The following KIR2DL1 variants were observed in gnomAD, a reference collection of about 807,000 sequenced individuals.
KIR2DL1 encodes the protein killer cell immunoglobulin-like receptor 2DL1.
Under a neutral mutation model 33.9 loss-of-function variants are expected in KIR2DL1, and 38 were observed. That is an observed-to-expected ratio of 1.12 (90% CI 0.86 to 1.47). The LOEUF is 1.47. Among genes scored for constraint, KIR2DL1 ranks in the 40% most tolerant of loss-of-function variants. The pLI is 0.00. For synonymous variants in KIR2DL1, 179 were observed against 165.9 expected (o/e 1.08, Z -0.61); for missense variants, 531 against 433.9 (o/e 1.22, Z -1.99).
rs749630775 is a variant in KIR2DL1, at chr19:54,770,931, G to A, written c.70+47G>A. 3.8e-6 allele frequency: 6 copies of A among 1,572,786 alleles called. 1 individual carries two copies. The highest frequency in any genetic ancestry group is 2.2e-5 in the South Asian group (2 of 90,048). On this transcript the variant is annotated intron_variant, in intron 2 of 7. Coordinates refer to ENST00000336077, the MANE Select transcript of KIR2DL1 (RefSeq NM_014218.3). ...CGGGTGTCATCTCCCCACATAAGAG[G>A]ATTTTCCTGAAATGGGAGGGAAGTC...
In KIR2DL1 at chr19:54,783,959, CTGAATGTG is replaced by C; in HGVS notation, c.*147_*154del. 4 of 1,226,022 alleles carry C rather than the reference CTGAATGTG, an allele frequency of 3.3e-6. No individual in the cohort carries two copies. The highest frequency in any genetic ancestry group is 4.8e-6 in the Non-Finnish European group (4 of 838,416). 75.9% of individuals were successfully genotyped at this position (1,226,022 alleles called of 1,614,324 possible). ...CATCGATCTTCCTCACACCACAAAT[CTGAATGTG>C]CCTCTCTCTTGCTTACAAATGTCTA... On this transcript the variant is annotated 3_prime_UTR_variant, in exon 8 of 8. Transcript: ENST00000336077.
intron 5 of KIR2DL1, among the ~76,000 whole-genome samples, chr19:54,782,012 G>A (rs990494923): frequency 1.6e-4 from 24 of 152,028 alleles, no homozygotes; most frequent in Admixed American, 2.0e-4. Context: ...TACATAGGCA[G>A]GTTCATTACT....
chr19:54,782,831 A>C, intron 5 of KIR2DL1, 91 bp from the exon 6 acceptor site: 1 of 1,421,530 alleles, frequency 7.0e-7, no homozygotes. Context: ...GAGGTGTTTT[A>C]TGTGGTTACC....
intron 5 of KIR2DL1, among the ~76,000 whole-genome samples, chr19:54,778,905 G>C (rs1375194091): frequency 2.0e-5 from 3 of 148,482 alleles, no homozygotes; most frequent in African/African-American, 4.9e-5. Context: ...TTGCCAATCT[G>C]ACATCCTTCT....
chr19:54,783,919 G>C lies in KIR2DL1; in HGVS notation c.*106G>C, dbSNP rs1321917314. ...CAGCAGCTGGAATCTGAAGGCGTGA[G>C]TCTGCATCTTAGGGCATCGATCTTC... On this transcript the variant is annotated 3_prime_UTR_variant, in exon 8 of 8. Transcript: ENST00000336077. 2 of 1,479,174 alleles carry C rather than the reference G, an allele frequency of 1.4e-6. No individual in the cohort carries two copies. The highest frequency in any genetic ancestry group is 2.8e-5 in the African/African-American group (2 of 72,000). 91.6% of individuals were successfully genotyped at this position (1,479,174 alleles called of 1,614,324 possible). A position where few individuals can be genotyped will look rare whatever the true frequency, so the allele number is the denominator to read the frequency against.
At chr19:54,776,445 A>T (rs1186445809) in intron 4 of KIR2DL1, among the ~76,000 whole-genome samples, 1 of 146,012 alleles carries the variant, frequency 6.8e-6, no homozygotes, top group Non-Finnish European at 1.5e-5. Flanking sequence ...AGTAGTCTCC[A>T]CTGTGCGTAT....
Position 54,783,390 on chromosome 19 carries a change from C to T in KIR2DL1, c.818-96C>T, listed in dbSNP as rs551635919. 3.6e-6 allele frequency: 5 copies of T among 1,406,704 alleles called. No individual in the cohort carries two copies. The South Asian group carries it at 4.8e-5, about 14-fold the overall frequency. 87.1% of individuals were successfully genotyped at this position (1,406,704 alleles called of 1,614,324 possible). A position where few individuals can be genotyped will look rare whatever the true frequency, so the allele number is the denominator to read the frequency against. On this transcript the variant is annotated intron_variant, in intron 6 of 7. Transcript: ENST00000336077. The stretch of plus-strand genomic sequence containing the variant: ...GCTGTTGGCAACTGAGGGACCTCAG[C>T]CACCTATGGTCTCCCCCTGTATGTT...
intron 4 of KIR2DL1, among the ~76,000 whole-genome samples, chr19:54,778,130 C>A (rs1045833633): frequency 1.4e-5 from 2 of 147,628 alleles, no homozygotes; most frequent in African/African-American, 5.0e-5. Flanking sequence ...GCATGGTGGT[C>A]AGCACCTGTA....
intron 6 of KIR2DL1, 89 bp from the exon 7 acceptor site, chr19:54,783,397 T>C (rs1227402184): frequency 1.4e-5 from 20 of 1,469,900 alleles, no homozygotes; most frequent in Non-Finnish European, 1.9e-5. Context: ...CAGCCACCTA[T>C]GGTCTCCCCC....
intron 4 of KIR2DL1, among the ~76,000 whole-genome samples, chr19:54,776,711 G>T (rs1180712555): frequency 6.9e-6 from 1 of 144,140 alleles, no homozygotes; most frequent in Non-Finnish European, 1.5e-5. Context: ...TGCAACCTTG[G>T]CTCATTGCAA....
chr19:54,773,628 C>G lies in KIR2DL1; in HGVS notation c.366C>G (p.Ile122Met), dbSNP rs1426276158. 5.7e-6 allele frequency: 9 copies of G among 1,571,872 alleles called. No homozygotes were observed. The highest frequency in any genetic ancestry group is 7.8e-6 in the Non-Finnish European group (9 of 1,147,514). ...CCAGTGACCCTCTGGACATCGTGAT[C>G]ATAGGTGAGAGTGTCCAGACTTTCT... ...SAPSDPLDIV[I>M]IGLYEKPSLS... Residue 122 changes from isoleucine to methionine, a missense_variant, in exon 3 of 8, where the codon ATC becomes ATG. Ile to Met is a conservative substitution (Grantham distance 10, BLOSUM62 1). Transcript: ENST00000336077.
Position 54,776,231 on chromosome 19 carries a change from AC to A in KIR2DL1, c.664+774del, listed in dbSNP as rs1429689506. 2.8e-5 allele frequency among the ~76,000 whole-genome samples: 4 copies of A among 142,854 alleles called. 1 individual carries two copies. Among genetic ancestry groups the A allele is most frequent in the Non-Finnish European group, 6.1e-5 (4 of 65,122 alleles). The allele number at this position is 142,854 out of a possible 152,430, so 93.7% of individuals were successfully genotyped here. A position where few individuals can be genotyped will look rare whatever the true frequency, so the allele number is the denominator to read the frequency against. ...AGTGTAAAGTCTAGTGGTCATAAAT[AC>A]ATTTTTATATATATATATATATACA... On this transcript the variant is annotated intron_variant, in intron 4 of 7. Coordinates refer to ENST00000336077, the MANE Select transcript of KIR2DL1 (RefSeq NM_014218.3).
chr19:54,770,086 G>C (rs1477490978), intron 1 of KIR2DL1, among the ~76,000 whole-genome samples: 1 of 141,946 alleles, frequency 7.0e-6, no homozygotes, highest in Non-Finnish European at 1.6e-5. Context: ...TGGAGGTGGA[G>C]TGATGGGACT....
intron 5 of KIR2DL1, 73 bp from the exon 6 acceptor site, chr19:54,782,849 C>G (rs1266702115): frequency 7.8e-6 from 12 of 1,534,320 alleles, no homozygotes; most frequent in African/African-American, 1.4e-5. Context: ...ACCTGTCAAT[C>G]AAGAAATGCG....
chr19:54,780,537 G>A (rs1394157062), intron 5 of KIR2DL1, among the ~76,000 whole-genome samples: 8 of 144,036 alleles, frequency 5.6e-5, no homozygotes, highest in East Asian at 2.0e-4. Context: ...GATTCACCTC[G>A]GGGTAACCAG....
chr19:54,775,129 G>A, intron 3 of KIR2DL1, 36 bp from the exon 4 acceptor site: 2 of 1,542,176 alleles, frequency 1.3e-6, no homozygotes, highest in South Asian at 2.3e-5. Context: ...TGACAAAGAA[G>A]ATCCTCCCTG....
At position 54,773,596 on chromosome 19, in the gene KIR2DL1, T is replaced by G; in HGVS notation, c.334T>G (p.Ser112Ala). The G allele has an allele frequency of 6.3e-7, 1 of 1,578,854 alleles. No homozygotes were observed. Among genetic ancestry groups the G allele is most frequent in the Non-Finnish European group, 8.7e-7 (1 of 1,152,338 alleles). The change falls in exon 3 of 8, where the codon TCA becomes GCA. Residue 112 changes from serine to alanine, a missense_variant. Physicochemically the swap from Ser to Ala is moderately conservative, Grantham distance 99. Coordinates refer to ENST00000336077, the MANE Select transcript of KIR2DL1 (RefSeq NM_014218.3). Reference protein sequence around the residue: ...GSVTHSPYQVSAPSDPLDIVI... With the variant: ...GSVTHSPYQVAAPSDPLDIVI... ...TGTTACTCACTCCCCCTATCAGGTG[T>G]CAGCTCCCAGTGACCCTCTGGACAT...
In KIR2DL1 at chr19:54,780,845, T is replaced by C. The variant is rs376000734; in HGVS notation, c.716-2077T>C. Among the ~76,000 whole-genome samples the C allele has an allele frequency of 2.5e-5, 3 of 118,790 alleles. 1 individual carries two copies. The highest frequency in any genetic ancestry group is 9.7e-5 in the African/African-American group (3 of 30,936). The allele number at this position is 118,790 out of a possible 152,430, so 77.9% of individuals were successfully genotyped here. The stretch of plus-strand genomic sequence containing the variant: ...ATACCTGGCAAAGGAGTGACAGATA[T>C]ATGAGTGGTGGTGGAAATGAAGAGA... On this transcript the variant is annotated intron_variant, in intron 5 of 7. Transcript: ENST00000336077.
chr19:54,771,766 C>A (rs2075754590), intron 2 of KIR2DL1, among the ~76,000 whole-genome samples: 1 of 148,142 alleles, frequency 6.8e-6, no homozygotes, highest in Non-Finnish European at 1.5e-5. Context: ...ACATAATATT[C>A]TGGAACAGCC....
Sources: allele counts gnomAD v4.1 joint callset (sites outside exome capture counted in the v4.1 genomes callset), GRCh38; gene constraint gnomAD v4.1.1; transcripts MANE v1.5; gene names NCBI Gene and HGNC (gene_info 2026-07-23, HGNC 2026-07-21).